The following CARM1 variants were observed in gnomAD, a reference collection of about 807,000 sequenced individuals.
The protein encoded by CARM1 is histone-arginine methyltransferase CARM1.
A neutral mutation model predicts 72.7 loss-of-function variants in CARM1; 14 were observed. The observed-to-expected ratio is 0.19, with a 90% CI of 0.13 to 0.30. The LOEUF is 0.30. Among genes scored for constraint, CARM1 ranks in the 10% least tolerant of loss-of-function variants. The pLI is 1.00. For synonymous variants in CARM1, 333 were observed against 345.5 expected (o/e 0.96, Z 0.40); for missense variants, 432 against 833.7 (o/e 0.52, Z 5.93).
chr19:10,871,607 G>GGCGGCGGCGGCGGCGGCGGCT lies in CARM1; in HGVS notation c.-76_-75insTGCGGCGGCGGCGGCGGCGGC, dbSNP rs2073814834. On this transcript the variant is annotated 5_prime_UTR_variant, in exon 1 of 16. Transcript: ENST00000327064. This position sits in a 1 kb window ranked among gnomAD's most constrained non-coding sequence, Gnocchi z 5.6. ...TAGCGGCAGCGGCGGCGGCGGCGGCGGCGGCGGCGGCGGCGGCGGCGGCGG... is the reference window on the plus strand; with the variant it reads ...TAGCGGCAGCGGCGGCGGCGGCGGCGGCGGCGGCGGCGGCGGCGGCTGCGGCGGCGGCGGCGGCGGCGGCGG... The GGCGGCGGCGGCGGCGGCGGCT allele has an allele frequency of 3.4e-5, 4 of 118,100 alleles. No homozygotes were observed. The highest frequency in any genetic ancestry group is 1.2e-4 in the African/African-American group (4 of 32,298). 7.3% of individuals were successfully genotyped at this position (118,100 alleles called of 1,614,324 possible).
At chr19:10,877,208 C>T (rs967314084) in intron 1 of CARM1, among the ~76,000 whole-genome samples, 1 of 151,684 alleles carries the variant, frequency 6.6e-6, no homozygotes, top group African/African-American at 2.4e-5. Context: ...GGAGTGACAA[C>T]AGGGAAAGTT....
At chr19:10,889,135 C>T (rs1348369801) in intron 1 of CARM1, among the ~76,000 whole-genome samples, 1 of 152,102 alleles carries the variant, frequency 6.6e-6, no homozygotes, top group Non-Finnish European at 1.5e-5. Context: ...TGAGATCTGA[C>T]CTGGCAGTCT....
At chr19:10,892,760 T>C (rs1287876328) in intron 1 of CARM1, among the ~76,000 whole-genome samples, 1 of 152,232 alleles carries the variant, frequency 6.6e-6, no homozygotes, top group Non-Finnish European at 1.5e-5. Flanking sequence ...GAGGCAGGGT[T>C]TTGCTCTTGT....
intron 1 of CARM1, among the ~76,000 whole-genome samples, chr19:10,894,962 C>T (rs1049279016): frequency 3.9e-5 from 6 of 151,992 alleles, no homozygotes; most frequent in Admixed American, 6.6e-5. Flanking sequence ...CCAGGCTGGT[C>T]TCAAACTCCT....
intron 4 of CARM1, among the ~76,000 whole-genome samples, chr19:10,909,564 T>A (rs543435766): frequency 6.6e-5 from 10 of 151,826 alleles, no homozygotes; most frequent in Non-Finnish European, 1.2e-4. Context: ...TGAAACCCCG[T>A]CTCTACTAAA....
chr19:10,921,875 T>C lies in CARM1; in HGVS notation c.*118T>C. 1 of 1,026,180 alleles carries C rather than the reference T, an allele frequency of 9.7e-7. No individual in the cohort carries two copies. The highest frequency in any genetic ancestry group is 1.4e-6 in the Non-Finnish European group (1 of 706,468). 63.6% of individuals were successfully genotyped at this position (1,026,180 alleles called of 1,614,324 possible). On this transcript the variant is annotated 3_prime_UTR_variant, in exon 16 of 16. Coordinates refer to ENST00000327064, the MANE Select transcript of CARM1 (RefSeq NM_199141.2). ...GCTCGAACACCCGGTCACAGCTCTC[T>C]TTGCTATGGGAACTGGGACACTTTT...
At chr19:10,876,331 A>T (rs912215005) in intron 1 of CARM1, among the ~76,000 whole-genome samples, 4 of 152,186 alleles carry the variant, frequency 2.6e-5, no homozygotes, top group African/African-American at 9.7e-5. Flanking sequence ...CGGCCAATAA[A>T]TATTTATGTC....
At chr19:10,902,290 C>CTTTT (rs869120010) in intron 1 of CARM1, among the ~76,000 whole-genome samples, 18 of 114,760 alleles carry the variant, frequency 1.6e-4, no homozygotes, top group East Asian at 5.9e-4. Context: ...ATTGTTGTTT[C>CTTTT]TTTTTTTTTT....
intron 1 of CARM1, among the ~76,000 whole-genome samples, chr19:10,893,411 TCACTGCAACCTC>T (rs1438796726): frequency 1.3e-5 from 2 of 151,540 alleles, no homozygotes; most frequent in Non-Finnish European, 2.9e-5. Context: ...CGATCTCGGC[TCACTGCAACCTC>T]CACCTCCTGG....
At chr19:10,890,657 G>A (rs935583962) in intron 1 of CARM1, among the ~76,000 whole-genome samples, 9 of 148,768 alleles carry the variant, frequency 6.0e-5, no homozygotes, top group Non-Finnish European at 1.2e-4. Context: ...ATGTATATAC[G>A]TATATATGTG....
chr19:10,910,646 A>G (rs777703198), intron 4 of CARM1, among the ~76,000 whole-genome samples: 12 of 140,434 alleles, frequency 8.5e-5, no homozygotes, highest in Non-Finnish European at 1.7e-4. Flanking sequence ...GCTCACTGCA[A>G]CCTCCGCCTC....
In CARM1 at chr19:10,915,816, G is replaced by T. The variant is rs2074191394; in HGVS notation, c.848-591G>T. Among the ~76,000 whole-genome samples the T allele has an allele frequency of 6.6e-6, 1 of 152,142 alleles. No homozygotes were observed. Among genetic ancestry groups the T allele is most frequent in the African/African-American group, 2.4e-5 (1 of 41,450 alleles). On this transcript the variant is annotated intron_variant, in intron 6 of 15. Coordinates refer to ENST00000327064, the MANE Select transcript of CARM1 (RefSeq NM_199141.2). The surrounding 1 kb of genome is among the most constrained non-coding windows in gnomAD (Gnocchi z 4.6). ...CATGCGTCTACCCTTGAGTCACAGA[G>T]GGAGGCCCTGCCCTTCCCTCAGTCT...
Position 10,916,680 on chromosome 19 carries a change from TG to T in CARM1, c.939-12del. On this transcript the variant is annotated splice_polypyrimidine_tract_variant and intron_variant, in intron 7 of 15. Coordinates refer to ENST00000327064, the MANE Select transcript of CARM1 (RefSeq NM_199141.2). The surrounding 1 kb of genome is among the most constrained non-coding windows in gnomAD (Gnocchi z 4.4). ...TGCAGCCCTGACCTTGCTGTGGGGG[TG>T]GGGCCTGTCCACAGGTACCAGCCAT... The T allele has an allele frequency of 1.3e-6, 2 of 1,567,714 alleles. No homozygotes were observed. Among genetic ancestry groups the T allele is most frequent in the Non-Finnish European group, 1.7e-6 (2 of 1,155,560 alleles).
chr19:10,893,817 G>T (rs2074005421), intron 1 of CARM1, among the ~76,000 whole-genome samples: 1 of 152,232 alleles, frequency 6.6e-6, no homozygotes, highest in South Asian at 2.1e-4. Flanking sequence ...CTCACCCTTT[G>T]GGATGTGTCA....
At chr19:10,883,529 A>G (rs903124787) in intron 1 of CARM1, among the ~76,000 whole-genome samples, 6 of 152,150 alleles carry the variant, frequency 3.9e-5, no homozygotes, top group African/African-American at 1.4e-4. Context: ...TCTGCCCAGA[A>G]AGTCCACGGT....
At chr19:10,887,859 T>C (rs1275556333) in intron 1 of CARM1, among the ~76,000 whole-genome samples, 1 of 152,010 alleles carries the variant, frequency 6.6e-6, no homozygotes, top group African/African-American at 2.4e-5. Context: ...CGCTCCAGCC[T>C]CTCTGGAGCG....
At chr19:10,900,205 G>A (rs143171014) in intron 1 of CARM1, among the ~76,000 whole-genome samples, 1,761 of 152,216 alleles carry the variant, frequency 0.012, 32 homozygotes, top group Admixed American at 0.04. Flanking sequence ...CCAGCTACCC[G>A]GGAGGCTGAG....
rs1225827621 is a variant in CARM1 at position 10,922,602 on chromosome 19, T to G, written c.*845T>G. ...GGAAGGCGTCCTTTTTCCTTGTAGC[T>G]AACGTTAGGCCTGAGTAGCTCCCCT... is the stretch of plus-strand genomic sequence containing the variant. On this transcript the variant is annotated 3_prime_UTR_variant, in exon 16 of 16. Coordinates refer to ENST00000327064, the MANE Select transcript of CARM1 (RefSeq NM_199141.2). The G allele has an allele frequency of 6.6e-6, 1 of 152,172 alleles. No individual in the cohort carries two copies. The highest frequency in any genetic ancestry group is 2.4e-5 in the African/African-American group (1 of 41,388). 9.4% of individuals were successfully genotyped at this position (152,172 alleles called of 1,614,324 possible).
At position 10,871,708 on chromosome 19, in the gene CARM1, AGCGGCGGCG is replaced by A; in HGVS notation, c.14_22del (p.Ala5_Ala7del). 1 of 840,184 alleles carries A rather than the reference AGCGGCGGCG, an allele frequency of 1.2e-6. No homozygotes were observed. Among genetic ancestry groups the A allele is most frequent in the Non-Finnish European group, 1.4e-6 (1 of 702,876 alleles). The allele number at this position is 840,184 out of a possible 1,614,324, so 52.0% of individuals were successfully genotyped here. A position where few individuals can be genotyped will look rare whatever the true frequency, so the allele number is the denominator to read the frequency against. Reference sequence around the variant, plus strand: ...GGCCTGGAGCCGGATCTAAGATGGCAGCGGCGGCGGCGGCGGTGGGGCCGGGCGCGGGCG... The same window carrying A: ...GGCCTGGAGCCGGATCTAAGATGGCAGCGGCGGTGGGGCCGGGCGCGGGCG... On this transcript the variant is annotated inframe_deletion, in exon 1 of 16. Transcript: ENST00000327064. This position sits in a 1 kb window ranked among gnomAD's most constrained non-coding sequence, Gnocchi z 5.6.
Sources: allele counts gnomAD v4.1 joint callset (sites outside exome capture counted in the v4.1 genomes callset), GRCh38; gene constraint gnomAD v4.1.1; non-coding constraint Gnocchi (gnomAD v3.1); transcripts MANE v1.5; gene names NCBI Gene and HGNC (gene_info 2026-07-23, HGNC 2026-07-21).